LRP1B: variants seen among roughly 807,000 people sequenced by gnomAD.
LRP1B encodes the protein LDL receptor related protein 1B.
Under a neutral mutation model 556.6 loss-of-function variants are expected in LRP1B, and 217 were observed. The ratio of observed to expected loss-of-function variants is 0.39; its 90% CI spans 0.35 to 0.44. LRP1B has a LOEUF of 0.44. LRP1B is among the 20% of genes least tolerant of loss of function. The pLI, the probability that LRP1B is intolerant of heterozygous loss-of-function variation, is 1.00. For synonymous variants in LRP1B, 2,047 were observed against 1,865.8 expected (o/e 1.10, Z -2.50); for missense variants, 5,053 against 5,620.8 (o/e 0.90, Z 3.23).
intron 3 of LRP1B, among the ~76,000 whole-genome samples, chr2:141,466,416 C>T (rs573323262): frequency 4.9e-4 from 74 of 152,272 alleles, no homozygotes; most frequent in African/African-American, 1.7e-3. Context: ...TAGTTGTTAT[C>T]AAATATCCAT....
At chr2:141,002,024 T>A (rs754749750) in intron 15 of LRP1B, among the ~76,000 whole-genome samples, 6 of 152,140 alleles carry the variant, frequency 3.9e-5, no homozygotes, top group Non-Finnish European at 5.9e-5. Flanking sequence ...AAAGTCATGC[T>A]TAATCCCTGC....
chr2:141,611,073 T>C (rs1688092555), intron 2 of LRP1B, among the ~76,000 whole-genome samples: 1 of 152,192 alleles, frequency 6.6e-6, no homozygotes, highest in South Asian at 2.1e-4. Flanking sequence ...CTCTAGCTGC[T>C]AGAATCAATT....
intron 6 of LRP1B, among the ~76,000 whole-genome samples, chr2:141,196,863 CCT>C (rs1209984145): frequency 6.6e-6 from 1 of 152,018 alleles, no homozygotes; most frequent in African/African-American, 2.4e-5. Flanking sequence ...AATTAAATTC[CCT>C]GTTTTCTGCC....
At chr2:141,905,154 G>A (rs774356253) in intron 1 of LRP1B, among the ~76,000 whole-genome samples, 6 of 151,876 alleles carry the variant, frequency 4.0e-5, no homozygotes, top group African/African-American at 1.2e-4. Flanking sequence ...GAAAAACTCC[G>A]CAGAGTTAGG....
At chr2:140,839,094 A>G (rs183226954) in intron 31 of LRP1B, among the ~76,000 whole-genome samples, 5 of 152,346 alleles carry the variant, frequency 3.3e-5, no homozygotes, top group Non-Finnish European at 7.4e-5. Flanking sequence ...TGTAATTATC[A>G]ATAATGACAC....
chr2:140,739,027 G>T (rs288125), intron 35 of LRP1B, among the ~76,000 whole-genome samples: 36,581 of 152,094 alleles, frequency 0.24, 4,479 homozygotes, highest in East Asian at 0.29. Flanking sequence ...GTCCAGTGGA[G>T]CATGTGCAGC....
chr2:141,204,088 T>C (rs1401809103), intron 6 of LRP1B, among the ~76,000 whole-genome samples: 15 of 152,186 alleles, frequency 9.9e-5, no homozygotes, highest in Non-Finnish European at 1.5e-5. Context: ...AGGAAAGATT[T>C]AAAATTGACA....
intron 2 of LRP1B, among the ~76,000 whole-genome samples, chr2:141,694,242 C>A (rs191443481): frequency 2.0e-5 from 3 of 152,086 alleles, no homozygotes; most frequent in Admixed American, 2.0e-4. Flanking sequence ...GCATCATGTG[C>A]CTTTCAGAAT....
intron 41 of LRP1B, among the ~76,000 whole-genome samples, chr2:140,661,860 G>A (rs1263179568): frequency 6.6e-6 from 1 of 151,962 alleles, no homozygotes; most frequent in Non-Finnish European, 1.5e-5. Context: ...TCTATGTTGT[G>A]ATACACACAA....
intron 41 of LRP1B, among the ~76,000 whole-genome samples, chr2:140,616,484 C>CTTT (rs11416942): frequency 3.6e-5 from 5 of 140,536 alleles, no homozygotes; most frequent in Non-Finnish European, 6.2e-5. Context: ...GTGACTCAGT[C>CTTT]TTTTTTTTTT....
intron 3 of LRP1B, among the ~76,000 whole-genome samples, chr2:141,477,154 A>C (rs1183937443): frequency 1.8e-5 from 2 of 111,528 alleles, no homozygotes; most frequent in African/African-American, 3.0e-5. Context: ...AAAAAACCCC[A>C]AAAAACAAAC....
chr2:141,554,806 T>C (rs377082403), intron 2 of LRP1B, among the ~76,000 whole-genome samples: 82 of 151,970 alleles, frequency 5.4e-4, no homozygotes, highest in African/African-American at 1.9e-3. Context: ...TGCTAACAAA[T>C]TGTGGTCCAC....
intron 20 of LRP1B, among the ~76,000 whole-genome samples, chr2:140,925,391 G>T (rs1694856347): frequency 6.6e-6 from 1 of 152,154 alleles, no homozygotes; most frequent in African/African-American, 2.4e-5. Context: ...GGCCCAATCA[G>T]CTCTGTGCAT....
chr2:140,310,924 C>A (rs1684270062), intron 83 of LRP1B, among the ~76,000 whole-genome samples: 1 of 151,756 alleles, frequency 6.6e-6, no homozygotes. Flanking sequence ...TAAAACACTT[C>A]TGCATAGCAA....
At chr2:140,774,633 T>C (rs1689428803) in intron 33 of LRP1B, among the ~76,000 whole-genome samples, 1 of 152,152 alleles carries the variant, frequency 6.6e-6, no homozygotes, top group Non-Finnish European at 1.5e-5. Context: ...GTATGCGTTA[T>C]TCACTGAGAT....
chr2:141,524,830 T>C (rs1383289198), intron 2 of LRP1B, among the ~76,000 whole-genome samples: 1 of 150,724 alleles, frequency 6.6e-6, no homozygotes, highest in Non-Finnish European at 1.5e-5. Context: ...AGGCAGAAAT[T>C]ATGGCTATGC....
chr2:140,864,104 T>G (rs1214904106), intron 27 of LRP1B, among the ~76,000 whole-genome samples: 1 of 151,900 alleles, frequency 6.6e-6, no homozygotes, highest in East Asian at 1.9e-4. Flanking sequence ...TTCTCTGTCT[T>G]AGGTTCCTCA....
chr2:140,655,032 G>GTGTATATATATATATATA (rs767709816), intron 41 of LRP1B, among the ~76,000 whole-genome samples: 6 of 147,090 alleles, frequency 4.1e-5, no homozygotes, highest in African/African-American at 1.0e-4. Context: ...GTATATGTAT[G>GTGTATATATATATATATA]TATATATATA....
chr2:141,256,626 A>G (rs901839173), intron 3 of LRP1B, among the ~76,000 whole-genome samples: 2 of 152,116 alleles, frequency 1.3e-5, no homozygotes, highest in African/African-American at 4.8e-5. Context: ...CTTTGCCTAG[A>G]AAGATGGCCA....
Sources: gnomAD v4.1 joint callset for allele counts (sites outside exome capture counted in the v4.1 genomes callset) on GRCh38, gnomAD v4.1.1 for gene constraint, MANE v1.5 for transcripts, NCBI Gene and HGNC (gene_info 2026-07-23, HGNC 2026-07-21) for gene names.